Variants in FRY observed in about 807,000 individuals in gnomAD.
The protein encoded by FRY is protein furry homolog.
A neutral mutation model predicts 348.4 loss-of-function variants in FRY; 128 were observed. The ratio of observed to expected loss-of-function variants is 0.37; its 90% confidence interval spans 0.32 to 0.43. The LOEUF is 0.43. FRY is among the 20% of genes least tolerant of loss of function. The pLI is 1.00. For missense variants in FRY, 2,736 were observed against 3,695.2 expected, an observed-to-expected ratio of 0.74 and a Z score of 6.73; for synonymous variants, 1,370 against 1,374.7, an observed-to-expected ratio of 1.00 and a Z score of 0.08.
intron 15 of FRY, 108 bp downstream of exon 15, chr13:32,155,770 A>G: frequency 1.5e-6 from 1 of 684,920 alleles, no homozygotes; most frequent in Non-Finnish European, 2.4e-6. Flanking sequence ...ATAGAAGTAG[A>G]TGATAAGACA....
At chr13:32,161,651 C>G (rs1002626119) in intron 17 of FRY, among the ~76,000 whole-genome samples, 1 of 151,876 alleles carries the variant, frequency 6.6e-6, no homozygotes, top group Non-Finnish European at 1.5e-5. Flanking sequence ...AGCAAAGGCA[C>G]AGAGGTAGAA....
intron 58 of FRY, among the ~76,000 whole-genome samples, chr13:32,286,223 C>T (rs1889041967): frequency 6.6e-6 from 1 of 151,984 alleles, no homozygotes; most frequent in Non-Finnish European, 1.5e-5. Flanking sequence ...TACACTAAAC[C>T]GATGATAACT....
chr13:32,284,122 T>C (rs1350633777), intron 58 of FRY, among the ~76,000 whole-genome samples: 1 of 152,260 alleles, frequency 6.6e-6, no homozygotes, highest in Non-Finnish European at 1.5e-5. Context: ...ATATGATGTA[T>C]TGTTGATTTT....
At chr13:32,180,634 C>G (rs1028177305) in intron 23 of FRY, among the ~76,000 whole-genome samples, 3 of 152,258 alleles carry the variant, frequency 2.0e-5, no homozygotes, top group Non-Finnish European at 4.4e-5. Flanking sequence ...AATAATCATT[C>G]CATCTGAAGT....
At chr13:32,180,976 C>G (rs201337716) in intron 23 of FRY, among the ~76,000 whole-genome samples, 2 of 151,900 alleles carry the variant, frequency 1.3e-5, no homozygotes, top group African/African-American at 4.8e-5. Flanking sequence ...CTGCAACCTC[C>G]GCCTTCCAGG....
intron 25 of FRY, 121 bp from the exon 26 acceptor site, chr13:32,184,855 C>A: frequency 9.7e-7 from 1 of 1,027,346 alleles, no homozygotes; most frequent in Non-Finnish European, 1.5e-6. Flanking sequence ...CTTTACACTG[C>A]ATATAGGTTA....
chr13:32,189,428 A>G (rs1360901866), intron 28 of FRY, among the ~76,000 whole-genome samples: 1 of 152,140 alleles, frequency 6.6e-6, no homozygotes, highest in Admixed American at 6.5e-5. Flanking sequence ...GTGGATAATC[A>G]ATGACCTAAA....
At chr13:32,136,759 C>G in intron 10 of FRY, 112 bp from the exon 11 acceptor site, 3 of 775,360 alleles carry the variant, frequency 3.9e-6, no homozygotes, top group Non-Finnish European at 7.1e-6. Flanking sequence ...TGTCCTGTTT[C>G]TTGCCCACAG....
intron 39 of FRY, 138 bp downstream of exon 39, chr13:32,226,112 T>G: frequency 1.4e-6 from 1 of 712,974 alleles, no homozygotes. Flanking sequence ...AACAGTACAA[T>G]AAATACACAC....
At chr13:32,202,866 T>C (rs1419162660) in intron 31 of FRY, among the ~76,000 whole-genome samples, 1 of 151,772 alleles carries the variant, frequency 6.6e-6, no homozygotes, top group Non-Finnish European at 1.5e-5. Flanking sequence ...GGAGAATCGC[T>C]TGAACCCAGG....
chr13:32,087,243 C>T (rs546851402), intron 2 of FRY, among the ~76,000 whole-genome samples: 1 of 152,262 alleles, frequency 6.6e-6, no homozygotes, highest in South Asian at 2.1e-4. Flanking sequence ...CATGGCCAGC[C>T]GGCACAAACA....
Position 32,244,138 on chromosome 13 carries a change from C to T in FRY, c.6784C>T (p.Gln2262Ter). 1 of 1,613,876 alleles carries T rather than the reference C, an allele frequency of 6.2e-7. No homozygotes were observed. ...GGACCTTTCTGTCGTTCCTGTCAAA[C>T]AGTTCAATGTGGAAGTTCTGAAGAC... ...YMDLSVVPVK[Q>*]FNVEVLKTIE... The change falls in exon 47 of 61, where the codon CAG becomes TAG. Residue 2262 changes from glutamine (Q) to a stop codon, truncating the protein, a stop_gained. Transcript: ENST00000542859. LOFTEE classifies it high-confidence loss of function.
At chr13:32,174,596 A>C (rs1484170790) in intron 19 of FRY, among the ~76,000 whole-genome samples, 3 of 152,202 alleles carry the variant, frequency 2.0e-5, no homozygotes, top group African/African-American at 7.2e-5. Context: ...CAAAATCAAC[A>C]GCTAGAATGT....
intron 1 of FRY, among the ~76,000 whole-genome samples, chr13:32,037,395 T>C (rs1453608597): frequency 6.6e-6 from 1 of 152,236 alleles, no homozygotes; most frequent in Non-Finnish European, 1.5e-5. Context: ...GCAAATTCAC[T>C]AATTGTCTTT....
intron 56 of FRY, 121 bp from the exon 57 acceptor site, chr13:32,276,343 T>C: frequency 1.4e-6 from 1 of 704,494 alleles, no homozygotes; most frequent in Non-Finnish European, 2.6e-6. Flanking sequence ...CACAGCTTAT[T>C]AAAATGGATG....
intron 2 of FRY, among the ~76,000 whole-genome samples, chr13:32,096,368 T>C (rs1042303831): frequency 6.6e-6 from 1 of 151,352 alleles, no homozygotes; most frequent in African/African-American, 2.4e-5. Context: ...ATGGTGGGAA[T>C]GCTAACAAGA....
intron 28 of FRY, among the ~76,000 whole-genome samples, chr13:32,192,450 C>T (rs1191837775): frequency 6.6e-6 from 1 of 151,492 alleles, no homozygotes; most frequent in Non-Finnish European, 1.5e-5. Context: ...GTAGCTGGGA[C>T]TACAGGCGCC....
chr13:32,236,782 G>A (rs1886249876), intron 43 of FRY, among the ~76,000 whole-genome samples: 1 of 151,798 alleles, frequency 6.6e-6, no homozygotes, highest in South Asian at 2.1e-4. Flanking sequence ...TTTTTAAGTT[G>A]AGCATTTTTT....
At chr13:32,293,446 G>A (rs1038738925) in intron 59 of FRY, among the ~76,000 whole-genome samples, 9 of 152,104 alleles carry the variant, frequency 5.9e-5, no homozygotes, top group South Asian at 2.1e-4. Flanking sequence ...TGTTTGTACC[G>A]TGAGTGAGTT....
Sources: gnomAD v4.1 joint callset for allele counts (sites outside exome capture counted in the v4.1 genomes callset) on GRCh38, gnomAD v4.1.1 for gene constraint, MANE v1.5 for transcripts, NCBI Gene and HGNC (gene_info 2026-07-23, HGNC 2026-07-21) for gene names.